CBLB: variants seen among roughly 807,000 people sequenced by gnomAD.
The protein encoded by CBLB is E3 ubiquitin-protein ligase CBL-B.
A neutral mutation model predicts 104.9 loss-of-function variants in CBLB; 31 were observed. That is an observed-to-expected ratio of 0.30 (90% CI 0.22 to 0.40). The LOEUF is 0.40. Among genes scored for constraint, CBLB ranks in the 10% least tolerant of loss-of-function variants. The probability of loss-of-function intolerance (pLI) is 1.00; values close to 1 mark genes in which losing one functional copy is unlikely to be tolerated. For synonymous variants in CBLB, 440 were observed against 422.6 expected, an observed-to-expected ratio of 1.04 and a Z score of -0.51; for missense variants, 1,062 against 1,214.6, an observed-to-expected ratio of 0.87 and a Z score of 1.87.
At chr3:105,799,608 C>A (rs2082618540) in intron 3 of CBLB, among the ~76,000 whole-genome samples, 1 of 152,098 alleles carries the variant, frequency 6.6e-6, no homozygotes, top group African/African-American at 2.4e-5. Flanking sequence ...TTTATTTATA[C>A]TCATATATTT....
chr3:105,670,622 T>C (rs1210266588), intron 17 of CBLB: 1 of 399,818 alleles, frequency 2.5e-6, no homozygotes, highest in Non-Finnish European at 4.6e-6. Flanking sequence ...TATAAGATTG[T>C]TGACAATAAA....
At chr3:105,822,999 A>C (rs1177511760) in intron 3 of CBLB, among the ~76,000 whole-genome samples, 1 of 152,212 alleles carries the variant, frequency 6.6e-6, no homozygotes, top group African/African-American at 2.4e-5. Flanking sequence ...TCAGAAAAGT[A>C]CTTGTTTATA....
Position 105,838,083 on chromosome 3 carries a change from C to T in CBLB, c.419+15331G>A, listed in dbSNP as rs200096169. Among the ~76,000 whole-genome samples, 15 of 116,334 alleles carry T rather than the reference C, an allele frequency of 1.3e-4. No individual in the cohort carries two copies. In the South Asian group the frequency reaches 1.9e-3, roughly 15 times the overall value. The allele number at this position is 116,334 out of a possible 152,430, so 76.3% of individuals were successfully genotyped here. ...TATTACCTTTTTTTTTCCTTTTTTTCTTTTTTTTTTTTTTTCTGAGACACG... is the reference window on the plus strand; with the variant it reads ...TATTACCTTTTTTTTTCCTTTTTTTTTTTTTTTTTTTTTTTCTGAGACACG... On this transcript the variant is annotated intron_variant, in intron 3 of 18. Transcript: ENST00000394030.
rs1269463965 is a variant in CBLB at position 105,777,190 on chromosome 3, C to T, written c.420-648G>A. ...TTAGTTGGGACATGACATAAAGAGGCATCTGAATCAATGCACAGTTTTTGT... is the reference window on the plus strand; with the variant it reads ...TTAGTTGGGACATGACATAAAGAGGTATCTGAATCAATGCACAGTTTTTGT... On this transcript the variant is annotated intron_variant, in intron 3 of 18. Transcript: ENST00000394030. Among the ~76,000 whole-genome samples the T allele has an allele frequency of 3.9e-5, 6 of 152,280 alleles. No individual in the cohort carries two copies. In the East Asian group the frequency reaches 1.2e-3, roughly 29 times the overall value.
At chr3:105,758,144 T>C (rs1560110598) in intron 4 of CBLB, among the ~76,000 whole-genome samples, 1 of 152,218 alleles carries the variant, frequency 6.6e-6, no homozygotes, top group Non-Finnish European at 1.5e-5. Context: ...TAGATTCTTA[T>C]GGGACCATTA....
intron 3 of CBLB, among the ~76,000 whole-genome samples, chr3:105,804,599 A>G (rs892277500): frequency 6.6e-6 from 1 of 152,106 alleles, no homozygotes; most frequent in African/African-American, 2.4e-5. Context: ...TAAATATTTT[A>G]GGTTACATAA....
At position 105,681,568 on chromosome 3, in the gene CBLB, G is replaced by C. The variant is rs1199659246; in HGVS notation, c.2339C>G (p.Pro780Arg). 1 of 1,613,912 alleles carries C rather than the reference G, an allele frequency of 6.2e-7. No homozygotes were observed. The highest frequency in any genetic ancestry group is 8.5e-7 in the Non-Finnish European group (1 of 1,179,912). The change falls in exon 16 of 19, where the codon CCT (proline) becomes CGT (arginine). Residue 780 changes from proline to arginine, a missense_variant. By Grantham distance (103) the Pro-to-Arg change is moderately radical. This residue lies in a region of CBLB where 605 missense variants were observed against 582.6 expected (regional missense o/e 1.04). Coordinates refer to ENST00000394030, the MANE Select transcript of CBLB (RefSeq NM_170662.5). ...ATTGTCCCGAGTTGGAGGCCTGGCA[G>C]GTGGTAATGGCACGGGATCAGAGGC... The part of the protein sequence containing the change: ...DSASDPVPLP[P>R]ARPPTRDNPK...
intron 2 of CBLB, 98 bp from the exon 3 acceptor site, chr3:105,853,762 A>G (rs1363855316): frequency 3.7e-6 from 3 of 801,022 alleles, no homozygotes; most frequent in Admixed American, 2.6e-5. Context: ...ATTTTTCCAT[A>G]ATATAAATAA....
rs2088582784 is a variant in CBLB at position 105,836,775 on chromosome 3, A to G, written c.419+16639T>C. 2.0e-5 allele frequency among the ~76,000 whole-genome samples: 3 copies of G among 152,230 alleles called. No homozygotes were observed. In the South Asian group the frequency reaches 6.2e-4, roughly 32 times the overall value. ...TCAAAACAAACTGCTGACAAACCCT[A>G]ACAGCTATGTGAGGGGGCGCAACGA... On this transcript the variant is annotated intron_variant, in intron 3 of 18. Coordinates refer to ENST00000394030, the MANE Select transcript of CBLB (RefSeq NM_170662.5).
intron 18 of CBLB, among the ~76,000 whole-genome samples, chr3:105,668,015 A>C (rs1252257862): frequency 6.6e-6 from 1 of 152,214 alleles, no homozygotes; most frequent in Non-Finnish European, 1.5e-5. Context: ...AAACTAGTGA[A>C]CAGCCTGGTA....
rs546347309 is a variant in CBLB at position 105,720,028 on chromosome 3, C to A, written c.1407+19G>T. 5.1e-6 allele frequency: 8 copies of A among 1,563,182 alleles called. No homozygotes were observed. The African/African-American group carries it at 9.5e-5, about 18-fold the overall frequency. ...ATATGGTCACATCACCTTAACTAAA[C>A]CCATGTTTCTAGTTTTACCTTTCGG... is the stretch of plus-strand genomic sequence containing the variant. On this transcript the variant is annotated intron_variant, in intron 10 of 18. Coordinates refer to ENST00000394030, the MANE Select transcript of CBLB (RefSeq NM_170662.5).
intron 3 of CBLB, among the ~76,000 whole-genome samples, chr3:105,841,033 C>A (rs1577728873): frequency 6.6e-6 from 1 of 152,076 alleles, no homozygotes; most frequent in South Asian, 2.1e-4. Flanking sequence ...GTGGCTCATG[C>A]CTGTAAGCCC....
chr3:105,737,692 A>G (rs2152870549), intron 7 of CBLB, among the ~76,000 whole-genome samples: 1 of 152,310 alleles, frequency 6.6e-6, no homozygotes, highest in East Asian at 1.9e-4. Context: ...ATATAATTAA[A>G]GGCCACAGTT....
chr3:105,822,542 A>G (rs2086024896), intron 3 of CBLB, among the ~76,000 whole-genome samples: 3 of 152,166 alleles, frequency 2.0e-5, no homozygotes, highest in African/African-American at 7.2e-5. Context: ...CTGTTCTAGC[A>G]TACTCAGGGC....
chr3:105,800,472 G>A (rs2120103), intron 3 of CBLB, among the ~76,000 whole-genome samples: 134,856 of 152,114 alleles, frequency 0.89, 60,324 homozygotes, highest in Non-Finnish European at 0.96. Context: ...CAGCCTTAGC[G>A]GTACCAAAGC....
chr3:105,763,030 C>G (rs1161239499), intron 4 of CBLB, among the ~76,000 whole-genome samples: 1 of 152,192 alleles, frequency 6.6e-6, no homozygotes, highest in African/African-American at 2.4e-5. Context: ...CAAAGGAAAT[C>G]ATTTTGGAGC....
intron 18 of CBLB, among the ~76,000 whole-genome samples, chr3:105,666,198 T>C (rs2064436018): frequency 6.6e-6 from 1 of 152,136 alleles, no homozygotes; most frequent in South Asian, 2.1e-4. Flanking sequence ...TTGGGACAGA[T>C]ATCAAAACTC....
chr3:105,678,312 G>T, intron 17 of CBLB, 119 bp downstream of exon 17: 1 of 977,874 alleles, frequency 1.0e-6, no homozygotes, highest in South Asian at 1.3e-5. Flanking sequence ...ACCACCCAGG[G>T]ATTTTTCTGT....
At chr3:105,797,963 AG>A (rs1229828324) in intron 3 of CBLB, among the ~76,000 whole-genome samples, 2 of 152,234 alleles carry the variant, frequency 1.3e-5, no homozygotes, top group African/African-American at 4.8e-5. Flanking sequence ...CAACGGTAGA[AG>A]CACTGCAAGG....
Sources: allele counts gnomAD v4.1 joint callset (sites outside exome capture counted in the v4.1 genomes callset), GRCh38; gene constraint gnomAD v4.1.1; regional missense constraint gnomAD v4.1.1; transcripts MANE v1.5; gene names NCBI Gene and HGNC (gene_info 2026-07-23, HGNC 2026-07-21).